Variants in SDK1 observed in about 807,000 individuals in gnomAD.
SDK1 encodes protein sidekick-1.
Under a neutral mutation model 245.5 loss-of-function variants are expected in SDK1, and 157 were observed. That is an observed-to-expected ratio of 0.64 (90% CI 0.56 to 0.73). The LOEUF is 0.73. Among genes scored for constraint, SDK1 ranks in the 30% least tolerant of loss-of-function variants. The pLI is 0.00. For synonymous variants in SDK1, 1,647 were observed against 1,278.5 expected, an observed-to-expected ratio of 1.29 and a Z score of -6.15; for missense variants, 3,583 against 3,002.3, an observed-to-expected ratio of 1.19 and a Z score of -4.52.
intron 4 of SDK1, among the ~76,000 whole-genome samples, chr7:3,702,735 T>C (rs1217165373): frequency 6.6e-6 from 1 of 152,062 alleles, no homozygotes; most frequent in Non-Finnish European, 1.5e-5. Flanking sequence ...TCACTTGTCA[T>C]TGACTAGAAA....
At chr7:4,067,784 C>A in intron 19 of SDK1, 54 bp from the exon 20 acceptor site, 2 of 1,395,564 alleles carry the variant, frequency 1.4e-6, no homozygotes, top group South Asian at 2.5e-5. Context: ...CACATCTGAT[C>A]AAAAGAAAAT....
At chr7:4,204,594 A>G (rs992604901) in intron 35 of SDK1, among the ~76,000 whole-genome samples, 1 of 152,190 alleles carries the variant, frequency 6.6e-6, no homozygotes, top group African/African-American at 2.4e-5. Flanking sequence ...CTCTCCAGAG[A>G]GCCGGGTGCT....
Position 4,267,784 on chromosome 7 carries a change from C to A in SDK1, c.*2400C>A. ...CCGTCTCCCCTCCACTCTTAGTAAA[C>A]CTTGATCTGTACGGAGCGGCCTGTC... On this transcript the variant is annotated 3_prime_UTR_variant, in exon 45 of 45. Coordinates refer to ENST00000404826, the MANE Select transcript of SDK1 (RefSeq NM_152744.4). The A allele has an allele frequency of 2.0e-6, 2 of 985,510 alleles. No homozygotes were observed. Among genetic ancestry groups the A allele is most frequent in the Non-Finnish European group, 2.4e-6 (2 of 829,986 alleles). 61.0% of individuals were successfully genotyped at this position (985,510 alleles called of 1,614,324 possible).
At chr7:3,407,841 A>G (rs369776210) in intron 1 of SDK1, among the ~76,000 whole-genome samples, 4 of 152,146 alleles carry the variant, frequency 2.6e-5, no homozygotes, top group African/African-American at 9.7e-5. Flanking sequence ...AAATCATTTA[A>G]CTGCCACTTA....
chr7:3,482,412 G>A (rs1781548034), intron 1 of SDK1, among the ~76,000 whole-genome samples: 3 of 152,126 alleles, frequency 2.0e-5, no homozygotes, highest in Admixed American at 2.0e-4. Context: ...CCGGAGATAG[G>A]CAATAAAGCC....
chr7:3,760,457 T>G (rs752018136), intron 4 of SDK1, among the ~76,000 whole-genome samples: 3 of 152,256 alleles, frequency 2.0e-5, no homozygotes, highest in Non-Finnish European at 2.9e-5. Context: ...AAAAAATGTA[T>G]GTTATTATTG....
At chr7:4,104,692 A>G (rs1448930116) in intron 22 of SDK1, among the ~76,000 whole-genome samples, 1 of 152,144 alleles carries the variant, frequency 6.6e-6, no homozygotes, top group Non-Finnish European at 1.5e-5. Context: ...GAGAATTTGT[A>G]TGCATGTATG....
At chr7:4,174,588 T>C (rs1584368505) in intron 33 of SDK1, among the ~76,000 whole-genome samples, 1 of 152,102 alleles carries the variant, frequency 6.6e-6, no homozygotes. Flanking sequence ...TACCACAGAC[T>C]GTGTTAAGGG....
chr7:4,118,546 C>G (rs1783861070), intron 25 of SDK1, among the ~76,000 whole-genome samples: 1 of 152,186 alleles, frequency 6.6e-6, no homozygotes, highest in South Asian at 2.1e-4. Context: ...AGCAGGGAGT[C>G]ACCATACGAC....
chr7:4,021,343 C>T (rs1397592548), intron 17 of SDK1, among the ~76,000 whole-genome samples: 1 of 152,152 alleles, frequency 6.6e-6, no homozygotes, highest in Non-Finnish European at 1.5e-5. Context: ...GGGCTATGGA[C>T]ACGAGGGTTG....
chr7:3,892,406 G>T (rs1231712714), intron 5 of SDK1, among the ~76,000 whole-genome samples: 1 of 152,190 alleles, frequency 6.6e-6, no homozygotes, highest in Non-Finnish European at 1.5e-5. Flanking sequence ...TGGAGGGCAG[G>T]AGCTCCGGAG....
intron 4 of SDK1, among the ~76,000 whole-genome samples, chr7:3,731,023 G>A (rs1343249861): frequency 6.6e-6 from 1 of 152,172 alleles, no homozygotes; most frequent in African/African-American, 2.4e-5. Flanking sequence ...TCAGTTAGCT[G>A]TTGCTGTGTA....
chr7:4,172,457 C>T (rs2128216868), intron 32 of SDK1, among the ~76,000 whole-genome samples: 1 of 152,312 alleles, frequency 6.6e-6, no homozygotes, highest in Non-Finnish European at 1.5e-5. Context: ...CCGCTTCCTC[C>T]ACGTTTGGGT....
intron 1 of SDK1, among the ~76,000 whole-genome samples, chr7:3,498,984 A>C (rs1782109131): frequency 6.6e-6 from 1 of 152,226 alleles, no homozygotes; most frequent in Non-Finnish European, 1.5e-5. Context: ...GTTGATTGGT[A>C]AGAATTTGCA....
intron 1 of SDK1, among the ~76,000 whole-genome samples, chr7:3,423,612 T>G (rs1450092580): frequency 6.6e-6 from 1 of 150,810 alleles, no homozygotes; most frequent in Non-Finnish European, 1.5e-5. Context: ...AAAAGTATCC[T>G]AAATATAAAG....
chr7:3,719,015 C>T (rs1785286343), intron 4 of SDK1, among the ~76,000 whole-genome samples: 1 of 152,162 alleles, frequency 6.6e-6, no homozygotes, highest in African/African-American at 2.4e-5. Context: ...AATACAATGC[C>T]ATTTATAATT....
In SDK1 at chr7:3,550,601, A is replaced by G. The variant is rs570682270; in HGVS notation, c.299-68479A>G. Among the ~76,000 whole-genome samples the G allele has an allele frequency of 3.9e-5, 6 of 152,272 alleles. No individual in the cohort carries two copies. In the East Asian group the frequency reaches 1.2e-3, roughly 29 times the overall value. Reference sequence around the variant, plus strand: ...TGGTTCCTCTCCATCCTTAATGCTGAACTTTTAGAGCATGTAGAACAAATC... The same window carrying G: ...TGGTTCCTCTCCATCCTTAATGCTGGACTTTTAGAGCATGTAGAACAAATC... On this transcript the variant is annotated intron_variant, in intron 1 of 44. Coordinates refer to ENST00000404826, the MANE Select transcript of SDK1 (RefSeq NM_152744.4).
chr7:4,234,611 C>G (rs1786028235), intron 41 of SDK1, among the ~76,000 whole-genome samples: 1 of 152,182 alleles, frequency 6.6e-6, no homozygotes, highest in Admixed American at 6.5e-5. Flanking sequence ...GTTGTGGCCC[C>G]CCAGCCCCCC....
intron 1 of SDK1, among the ~76,000 whole-genome samples, chr7:3,422,035 C>T (rs929471890): frequency 1.3e-5 from 2 of 151,860 alleles, no homozygotes; most frequent in Non-Finnish European, 2.9e-5. Flanking sequence ...GGATGGTTCT[C>T]AAAATAAAAT....
Sources: gnomAD v4.1 joint callset for allele counts (sites outside exome capture counted in the v4.1 genomes callset) on GRCh38, gnomAD v4.1.1 for gene constraint, MANE v1.5 for transcripts, NCBI Gene and HGNC (gene_info 2026-07-23, HGNC 2026-07-21) for gene names.